The following CACHD1 variants were observed in gnomAD, a reference collection of about 807,000 sequenced individuals.
CACHD1 encodes VWFA and cache domain-containing protein 1.
Under a neutral mutation model 138.7 loss-of-function variants are expected in CACHD1, and 71 were observed. That is an observed-to-expected ratio of 0.51 (90% CI 0.42 to 0.62). The LOEUF is 0.62. Ranked by LOEUF, CACHD1 falls within the 20% of genes least tolerant of loss-of-function variation. The pLI is 0.00. For synonymous variants in CACHD1, 578 were observed against 591.5 expected (o/e 0.98, Z 0.33); for missense variants, 1,389 against 1,625.3 (o/e 0.85, Z 2.50).
chr1:64,581,917 G>A (rs1174722840), intron 2 of CACHD1, among the ~76,000 whole-genome samples: 7 of 152,092 alleles, frequency 4.6e-5, no homozygotes, highest in African/African-American at 4.8e-5. Context: ...TTAACGTGCC[G>A]TCATCTGTTA....
At chr1:64,564,016 G>A (rs561291112) in intron 2 of CACHD1, among the ~76,000 whole-genome samples, 3 of 152,292 alleles carry the variant, frequency 2.0e-5, no homozygotes, top group Admixed American at 2.0e-4. Flanking sequence ...AAGAATTCAT[G>A]AAATGTCACC....
At chr1:64,620,925 C>T (rs1168279949) in intron 4 of CACHD1, among the ~76,000 whole-genome samples, 10 of 151,990 alleles carry the variant, frequency 6.6e-5, no homozygotes, top group Admixed American at 6.6e-4. Flanking sequence ...GAGGAATGGC[C>T]CTAACTTACA....
At position 64,559,007 on chromosome 1, in the gene CACHD1, C is replaced by T. The variant is rs965633604; in HGVS notation, c.261+8351C>T. 5.3e-5 allele frequency among the ~76,000 whole-genome samples: 8 copies of T among 152,160 alleles called. 1 individual carries two copies. The highest frequency in any genetic ancestry group is 1.7e-4 in the African/African-American group (7 of 41,526). ...AAAGCCAAAAATTAACAGATGCTGG[C>T]GAGGTTGCAGAGAAAAGGGAACACT... is the stretch of plus-strand genomic sequence containing the variant. On this transcript the variant is annotated intron_variant, in intron 2 of 26. Transcript: ENST00000651257.
intron 1 of CACHD1, among the ~76,000 whole-genome samples, chr1:64,540,011 G>T (rs1304487671): frequency 6.6e-6 from 1 of 152,048 alleles, no homozygotes; most frequent in Non-Finnish European, 1.5e-5. Flanking sequence ...TAAGGGTATG[G>T]GACCATATTT....
chr1:64,633,337 C>T (rs1260480782), intron 6 of CACHD1, among the ~76,000 whole-genome samples: 1 of 152,124 alleles, frequency 6.6e-6, no homozygotes, highest in East Asian at 1.9e-4. Context: ...GAAGCAGCCA[C>T]AAATCCAAAA....
chr1:64,611,504 G>A (rs1331366093), intron 4 of CACHD1, among the ~76,000 whole-genome samples: 1 of 152,182 alleles, frequency 6.6e-6, no homozygotes, highest in Admixed American at 6.5e-5. Flanking sequence ...TTTCTTCCTT[G>A]CCAGATACCC....
chr1:64,523,767 A>G (rs1378804113), intron 1 of CACHD1, among the ~76,000 whole-genome samples: 2 of 152,250 alleles, frequency 1.3e-5, no homozygotes, highest in Non-Finnish European at 2.9e-5. Flanking sequence ...GCTGATAACT[A>G]GAAAAAGTCA....
At chr1:64,531,355 T>C (rs934027179) in intron 1 of CACHD1, among the ~76,000 whole-genome samples, 3 of 152,228 alleles carry the variant, frequency 2.0e-5, no homozygotes, top group African/African-American at 2.4e-5. Flanking sequence ...GTTTCTTGAT[T>C]ATTAATTAGG....
At chr1:64,590,189 G>A (rs557799351) in intron 3 of CACHD1, among the ~76,000 whole-genome samples, 34 of 152,148 alleles carry the variant, frequency 2.2e-4, no homozygotes, top group Middle Eastern at 3.4e-3. Context: ...GGGCGTGGTG[G>A]CAGGCGCCTG....
chr1:64,499,237 G>A (rs2100317815), intron 1 of CACHD1, among the ~76,000 whole-genome samples: 2 of 152,268 alleles, frequency 1.3e-5, no homozygotes, highest in East Asian at 3.9e-4. Flanking sequence ...AGCCCCTTAT[G>A]GGCTGATTCT....
chr1:64,662,443 C>G (rs1194855026), intron 13 of CACHD1, among the ~76,000 whole-genome samples: 1 of 152,184 alleles, frequency 6.6e-6, no homozygotes, highest in African/African-American at 2.4e-5. Context: ...CAGGATGAAA[C>G]AACAATCCTC....
chr1:64,558,877 A>C (rs181579638), intron 2 of CACHD1, among the ~76,000 whole-genome samples: 2 of 152,358 alleles, frequency 1.3e-5, no homozygotes, highest in Non-Finnish European at 2.9e-5. Context: ...ACATCTTCCC[A>C]ACAAGCATAT....
chr1:64,590,170 A>G (rs1040557681), intron 3 of CACHD1, among the ~76,000 whole-genome samples: 8 of 151,876 alleles, frequency 5.3e-5, no homozygotes, highest in African/African-American at 1.7e-4. Flanking sequence ...AACAAACAAA[A>G]AATTAGCCGG....
intron 8 of CACHD1, among the ~76,000 whole-genome samples, chr1:64,646,927 G>A (rs185272178): frequency 6.6e-6 from 1 of 152,168 alleles, no homozygotes; most frequent in Non-Finnish European, 1.5e-5. Context: ...AAATCTGCAA[G>A]AACATGAGAC....
chr1:64,646,535 C>G (rs1264183768), intron 8 of CACHD1, among the ~76,000 whole-genome samples: 1 of 151,694 alleles, frequency 6.6e-6, no homozygotes, highest in East Asian at 1.9e-4. Context: ...CGAGGCCAGC[C>G]TGGCCAACAT....
rs1333656473 is a variant in CACHD1, at chr1:64,603,191, G to A, written c.517+279G>A. Among the ~76,000 whole-genome samples, 8 of 130,948 alleles carry A rather than the reference G, an allele frequency of 6.1e-5. No individual in the cohort carries two copies. In the South Asian group the frequency reaches 7.7e-4, roughly 13 times the overall value. The allele number at this position is 130,948 out of a possible 152,430, so 85.9% of individuals were successfully genotyped here. ...GCGATCTCGGCTCACTGCAAGCTCC[G>A]CCTCCCGGGTTCACACCATTCTCCT... On this transcript the variant is annotated intron_variant, in intron 4 of 26. Coordinates refer to ENST00000651257, the MANE Select transcript of CACHD1 (RefSeq NM_020925.4).
intron 1 of CACHD1, among the ~76,000 whole-genome samples, chr1:64,517,869 T>C (rs1646470306): frequency 6.6e-6 from 1 of 152,218 alleles, no homozygotes; most frequent in Non-Finnish European, 1.5e-5. Context: ...GTAGCTGCCC[T>C]GCCTACTCTA....
At position 64,470,444 on chromosome 1, in the gene CACHD1, C is replaced by G. The variant is rs1360405743; in HGVS notation, c.-301C>G. Reference sequence around the variant, plus strand: ...CCCGCGCACCCCGGCCTGCGGGCGCCCCTGCTCTCGGAGACGCCCTCTGCG... The same window carrying G: ...CCCGCGCACCCCGGCCTGCGGGCGCGCCTGCTCTCGGAGACGCCCTCTGCG... On this transcript the variant is annotated 5_prime_UTR_variant, in exon 1 of 27. Transcript: ENST00000651257. The surrounding 1 kb of genome is among the most constrained non-coding windows in gnomAD (Gnocchi z 5.2). Among the ~76,000 whole-genome samples, 1 of 151,480 alleles carries G rather than the reference C, an allele frequency of 6.6e-6. No individual in the cohort carries two copies. Among genetic ancestry groups the G allele is most frequent in the Non-Finnish European group, 1.5e-5 (1 of 67,818 alleles).
chr1:64,604,608 C>T (rs1647281266), intron 4 of CACHD1, among the ~76,000 whole-genome samples: 1 of 152,160 alleles, frequency 6.6e-6, no homozygotes, highest in Non-Finnish European at 1.5e-5. Context: ...TGTAATCCAA[C>T]ATTGTATGTA....
Sources: gnomAD v4.1 joint callset for allele counts (sites outside exome capture counted in the v4.1 genomes callset) on GRCh38, gnomAD v4.1.1 for gene constraint, Gnocchi (gnomAD v3.1) non-coding constraint, MANE v1.5 for transcripts, NCBI Gene and HGNC (gene_info 2026-07-23, HGNC 2026-07-21) for gene names.